The following ETV6 variants were observed in gnomAD, a reference collection of about 807,000 sequenced individuals.
ETV6 encodes transcription factor ETV6.
ETV6 carries 16 observed loss-of-function variants against 51.1 expected under a neutral mutation model. The ratio of observed to expected loss-of-function variants is 0.31; its 90% CI spans 0.21 to 0.48. The LOEUF is 0.48. Among genes scored for constraint, ETV6 ranks in the 20% least tolerant of loss-of-function variants. The pLI, the probability that ETV6 is intolerant of heterozygous loss-of-function variation, is 0.99. For synonymous variants in ETV6, 240 were observed against 224.1 expected (o/e 1.07, Z -0.64); for missense variants, 458 against 594.8 (o/e 0.77, Z 2.39).
At chr12:11,709,868 C>T (rs982327195) in intron 1 of ETV6, among the ~76,000 whole-genome samples, 2 of 152,160 alleles carry the variant, frequency 1.3e-5, no homozygotes, top group Non-Finnish European at 2.9e-5. Flanking sequence ...AGATTTTGGG[C>T]TTGTCTGCCT....
chr12:11,665,815 G>T (rs534088167), intron 1 of ETV6, among the ~76,000 whole-genome samples: 4 of 152,172 alleles, frequency 2.6e-5, no homozygotes, highest in African/African-American at 9.7e-5. Flanking sequence ...CTCCTGTGAG[G>T]CATAAGTACT....
chr12:11,774,219 A>C (rs1040551730), intron 2 of ETV6, among the ~76,000 whole-genome samples: 5 of 152,180 alleles, frequency 3.3e-5, no homozygotes, highest in African/African-American at 1.2e-4. Flanking sequence ...GCGAGTTGAG[A>C]AGGTTCTGAG....
At chr12:11,846,801 A>T (rs182093015) in intron 3 of ETV6, among the ~76,000 whole-genome samples, 1 of 152,260 alleles carries the variant, frequency 6.6e-6, no homozygotes, top group African/African-American at 2.4e-5. Flanking sequence ...TCTGCAGGTC[A>T]TGTTCAGGAT....
Position 11,809,967 on chromosome 12 carries a change from G to A in ETV6, c.164-29173G>A, listed in dbSNP as rs572933748. ...CCTGAGTAGCTGGGACTACAGGCAC[G>A]CACCACAACGCCCAGCTAATTTTTT... On this transcript the variant is annotated intron_variant, in intron 2 of 7. Coordinates refer to ENST00000396373, the MANE Select transcript of ETV6 (RefSeq NM_001987.5). Among the ~76,000 whole-genome samples, 5 of 151,806 alleles carry A rather than the reference G, an allele frequency of 3.3e-5. No homozygotes were observed. In the South Asian group the frequency reaches 6.2e-4, roughly 19 times the overall value.
At chr12:11,711,313 G>A (rs1051639027) in intron 1 of ETV6, among the ~76,000 whole-genome samples, 1 of 152,166 alleles carries the variant, frequency 6.6e-6, no homozygotes, top group African/African-American at 2.4e-5. Flanking sequence ...TTGAGATGGA[G>A]TCTCACTCAG....
chr12:11,653,010 C>T (rs575021700), intron 1 of ETV6, among the ~76,000 whole-genome samples: 27 of 152,242 alleles, frequency 1.8e-4, no homozygotes, highest in South Asian at 4.2e-4. Context: ...TTTCTCTACA[C>T]GCGACTTGCA....
At chr12:11,800,497 TCTC>T (rs1945731112) in intron 2 of ETV6, among the ~76,000 whole-genome samples, 1 of 152,098 alleles carries the variant, frequency 6.6e-6, no homozygotes, top group South Asian at 2.1e-4. Context: ...ATACAACAGA[TCTC>T]CTGAGCTTAT....
intron 1 of ETV6, among the ~76,000 whole-genome samples, chr12:11,732,651 G>A (rs544177542): frequency 1.1e-3 from 161 of 152,120 alleles, no homozygotes; most frequent in African/African-American, 3.6e-3. Context: ...GGGCTTCCTT[G>A]GTGCTCCAGC....
intron 1 of ETV6, among the ~76,000 whole-genome samples, chr12:11,668,776 G>C (rs1003255332): frequency 6.6e-6 from 1 of 152,172 alleles, no homozygotes. Context: ...TGCCCGGCCA[G>C]GTGTGCTACC....
At chr12:11,765,458 C>G (rs1945148731) in intron 2 of ETV6, among the ~76,000 whole-genome samples, 1 of 151,738 alleles carries the variant, frequency 6.6e-6, no homozygotes, top group Non-Finnish European at 1.5e-5. Context: ...TCCTTTTCAC[C>G]ACTTTTTTTT....
chr12:11,853,961 G>T lies in ETV6; in HGVS notation c.463+400G>T, dbSNP rs151256791. 1.4e-4 allele frequency among the ~76,000 whole-genome samples: 22 copies of T among 152,284 alleles called. No individual in the cohort carries two copies. In the East Asian group the frequency reaches 4.0e-3, roughly 28 times the overall value. ...TTTTCCACCAACAGTGGAGGTGAGG[G>T]ATGGTTTGGGATGATTCAAGTGCAT... On this transcript the variant is annotated intron_variant, in intron 4 of 7. Transcript: ENST00000396373.
In ETV6 at chr12:11,818,959, C is replaced by G. The variant is rs1946036245; in HGVS notation, c.164-20181C>G. On this transcript the variant is annotated intron_variant, in intron 2 of 7. Coordinates refer to ENST00000396373, the MANE Select transcript of ETV6 (RefSeq NM_001987.5). ...CATCTTACCAGTGGAACAGGCGTCCCTCTCCTGTATACAGAGGTCCCTTCC... is the reference window on the plus strand; with the variant it reads ...CATCTTACCAGTGGAACAGGCGTCCGTCTCCTGTATACAGAGGTCCCTTCC... Among the ~76,000 whole-genome samples, 2 of 152,116 alleles carry G rather than the reference C, an allele frequency of 1.3e-5. 1 individual carries two copies. The highest frequency in any genetic ancestry group is 4.1e-4 in the South Asian group (2 of 4,832).
chr12:11,831,260 C>G (rs1273806681), intron 2 of ETV6, among the ~76,000 whole-genome samples: 1 of 152,170 alleles, frequency 6.6e-6, no homozygotes, highest in Non-Finnish European at 1.5e-5. Flanking sequence ...GAGTCTCACT[C>G]TGTTGCCCAG....
At chr12:11,656,899 A>G (rs1864009407) in intron 1 of ETV6, among the ~76,000 whole-genome samples, 1 of 151,570 alleles carries the variant, frequency 6.6e-6, no homozygotes, top group Non-Finnish European at 1.5e-5. Flanking sequence ...ACCATCTCTC[A>G]TGTACATCTT....
intron 2 of ETV6, among the ~76,000 whole-genome samples, chr12:11,758,552 C>T (rs903572053): frequency 1.3e-5 from 2 of 152,178 alleles, no homozygotes; most frequent in African/African-American, 4.8e-5. Context: ...CAGTTTTGCT[C>T]TAGGGCACTC....
intron 4 of ETV6, among the ~76,000 whole-genome samples, chr12:11,867,873 C>T (rs768626053): frequency 5.3e-5 from 8 of 152,142 alleles, no homozygotes; most frequent in Non-Finnish European, 1.0e-4. Context: ...GTGTAGAAAT[C>T]CCCATTTTTA....
chr12:11,870,039 C>CT, intron 5 of ETV6, 70 bp downstream of exon 5: 1 of 1,518,430 alleles, frequency 6.6e-7, no homozygotes, highest in Non-Finnish European at 8.8e-7. Flanking sequence ...CCCCTGTGAT[C>CT]TTTGCAGCCA....
At chr12:11,756,002 C>T (rs1299165513) in intron 2 of ETV6, among the ~76,000 whole-genome samples, 1 of 152,182 alleles carries the variant, frequency 6.6e-6, no homozygotes, top group Non-Finnish European at 1.5e-5. Context: ...TTAAGGTTCT[C>T]ATACAGAGAG....
At chr12:11,823,840 G>GC (rs1443152562) in intron 2 of ETV6, among the ~76,000 whole-genome samples, 3 of 152,050 alleles carry the variant, frequency 2.0e-5, no homozygotes, top group East Asian at 1.9e-4. Flanking sequence ...AAGCCATTCA[G>GC]CCCCCCTTGA....
Sources: gnomAD v4.1 joint callset for allele counts (sites outside exome capture counted in the v4.1 genomes callset) on GRCh38, gnomAD v4.1.1 for gene constraint, MANE v1.5 for transcripts, NCBI Gene and HGNC (gene_info 2026-07-23, HGNC 2026-07-21) for gene names.